The following UBE2E3 variants were observed in gnomAD, a reference collection of about 807,000 sequenced individuals.
The protein encoded by UBE2E3 is ubiquitin conjugating enzyme E2 E3.
UBE2E3 carries 5 observed loss-of-function variants against 23.6 expected under a neutral mutation model. The observed-to-expected ratio is 0.21, with a 90% CI of 0.11 to 0.44. The LOEUF is 0.44. Among genes scored for constraint, UBE2E3 ranks in the 20% least tolerant of loss-of-function variants. UBE2E3 has a pLI of 0.99. For synonymous variants in UBE2E3, 78 were observed against 87.5 expected, an observed-to-expected ratio of 0.89 and a Z score of 0.60; for missense variants, 81 against 249.8, an observed-to-expected ratio of 0.32 and a Z score of 4.55.
intron 3 of UBE2E3, among the ~76,000 whole-genome samples, chr2:180,998,989 G>T (rs1346305964): frequency 6.6e-6 from 1 of 152,058 alleles, no homozygotes; most frequent in African/African-American, 2.4e-5. Flanking sequence ...TGTGTAAGTG[G>T]TATAAATGTC....
chr2:180,992,755 G>A (rs546915563), intron 3 of UBE2E3, among the ~76,000 whole-genome samples: 30 of 151,904 alleles, frequency 2.0e-4, no homozygotes, highest in African/African-American at 7.0e-4. Flanking sequence ...TCTGCCTCCC[G>A]GGTTCAAGCA....
chr2:181,056,619 C>T (rs527817756), intron 3 of UBE2E3, among the ~76,000 whole-genome samples: 4 of 151,896 alleles, frequency 2.6e-5, no homozygotes, highest in African/African-American at 9.6e-5. Flanking sequence ...GGATCTACCC[C>T]TCTGACCCAG....
intron 3 of UBE2E3, among the ~76,000 whole-genome samples, chr2:181,039,656 A>G (rs1221282542): frequency 6.6e-6 from 1 of 152,180 alleles, no homozygotes; most frequent in Non-Finnish European, 1.5e-5. Context: ...TAAAATTTCT[A>G]ATAGTGTCAC....
chr2:181,037,608 CTG>C (rs963641797), intron 3 of UBE2E3, among the ~76,000 whole-genome samples: 33 of 152,026 alleles, frequency 2.2e-4, no homozygotes, highest in African/African-American at 7.7e-4. Flanking sequence ...CAGCTATACA[CTG>C]TGTTTGTGTT....
intron 3 of UBE2E3, among the ~76,000 whole-genome samples, chr2:181,020,896 A>G (rs533668096): frequency 2.0e-5 from 3 of 152,244 alleles, no homozygotes; most frequent in African/African-American, 4.8e-5. Flanking sequence ...TAAGTTTTAT[A>G]TTAAGTTTTT....
intron 3 of UBE2E3, among the ~76,000 whole-genome samples, chr2:181,004,992 C>A (rs1469391542): frequency 1.3e-5 from 2 of 152,196 alleles, no homozygotes; most frequent in Middle Eastern, 3.2e-3. Context: ...GCCTATAAGA[C>A]AAACTCAGCA....
intron 3 of UBE2E3, among the ~76,000 whole-genome samples, chr2:180,988,418 T>C (rs4599066): frequency 0.23 from 35,366 of 152,154 alleles, 4,485 homozygotes; most frequent in Non-Finnish European, 0.28. Context: ...TGAACAAATA[T>C]TGTATTCCTT....
intron 3 of UBE2E3, among the ~76,000 whole-genome samples, chr2:181,036,461 G>C (rs1211569322): frequency 6.6e-6 from 1 of 152,206 alleles, no homozygotes; most frequent in Non-Finnish European, 1.5e-5. Flanking sequence ...CCATTGTGTG[G>C]AGTTTGCATC....
intron 3 of UBE2E3, among the ~76,000 whole-genome samples, chr2:181,028,052 T>C (rs1685953956): frequency 6.6e-6 from 1 of 152,204 alleles, no homozygotes; most frequent in South Asian, 2.1e-4. Context: ...TATTCTAAGA[T>C]GTTTTCATTC....
At chr2:181,046,190 T>A (rs1686668953) in intron 3 of UBE2E3, among the ~76,000 whole-genome samples, 1 of 152,170 alleles carries the variant, frequency 6.6e-6, no homozygotes, top group Non-Finnish European at 1.5e-5. Flanking sequence ...GTAATTACAT[T>A]GTCCACCAAG....
At chr2:181,024,694 C>T (rs1228370258) in intron 3 of UBE2E3, among the ~76,000 whole-genome samples, 1 of 151,918 alleles carries the variant, frequency 6.6e-6, no homozygotes, top group Non-Finnish European at 1.5e-5. Context: ...TTAGTGACTA[C>T]TTATATGCTC....
At chr2:181,035,176 A>G (rs545383337) in intron 3 of UBE2E3, among the ~76,000 whole-genome samples, 60 of 152,326 alleles carry the variant, frequency 3.9e-4, no homozygotes, top group Middle Eastern at 3.4e-3. Flanking sequence ...TGCATTCTAT[A>G]TAAGGGATAA....
intron 3 of UBE2E3, among the ~76,000 whole-genome samples, 155 bp from the exon 4 acceptor site, chr2:181,057,538 G>C (rs1391219791): frequency 6.6e-6 from 1 of 151,726 alleles, no homozygotes; most frequent in Non-Finnish European, 1.5e-5. Context: ...ATACACACAT[G>C]CACATGCAAA....
chr2:181,019,333 C>T (rs1685602120), intron 3 of UBE2E3, among the ~76,000 whole-genome samples: 2 of 152,202 alleles, frequency 1.3e-5, no homozygotes, highest in Non-Finnish European at 2.9e-5. Context: ...GGAACATGTT[C>T]AGCCGGTGCT....
At chr2:181,012,112 A>G (rs911928844) in intron 3 of UBE2E3, among the ~76,000 whole-genome samples, 10 of 152,174 alleles carry the variant, frequency 6.6e-5, no homozygotes, top group East Asian at 5.8e-4. Context: ...AGAGAGGGCA[A>G]TATGATCAGT....
chr2:181,043,913 G>A (rs1355330818), intron 3 of UBE2E3, among the ~76,000 whole-genome samples: 1 of 152,056 alleles, frequency 6.6e-6, no homozygotes, highest in Non-Finnish European at 1.5e-5. Context: ...TGATTTAACC[G>A]TTATTTCGTT....
At chr2:181,041,404 A>C (rs1359255657) in intron 3 of UBE2E3, among the ~76,000 whole-genome samples, 1 of 151,918 alleles carries the variant, frequency 6.6e-6, no homozygotes, top group African/African-American at 2.4e-5. Context: ...TAATTGTTAA[A>C]ATGGATGTCA....
rs927720693 is a variant in UBE2E3, at chr2:181,058,411, C to T, written c.378+586C>T. On this transcript the variant is annotated intron_variant, in intron 4 of 5. Coordinates refer to ENST00000410062, the MANE Select transcript of UBE2E3 (RefSeq NM_006357.4). ...TATGAATTAGATGGATAACAGAGAA[C>T]GGGGTGAGTTGTGCCTTCTAATGAC... is the stretch of plus-strand genomic sequence containing the variant. Among the ~76,000 whole-genome samples, 4 of 151,750 alleles carry T rather than the reference C, an allele frequency of 2.6e-5. No homozygotes were observed. In the East Asian group the frequency reaches 7.8e-4, roughly 30 times the overall value.
At chr2:181,035,345 TAAAC>T in intron 3 of UBE2E3, among the ~76,000 whole-genome samples, 1 of 152,166 alleles carries the variant, frequency 6.6e-6, no homozygotes, top group Admixed American at 6.5e-5. Flanking sequence ...TTTTTGAACT[TAAAC>T]ACAGCTTTTG....
Sources: allele counts gnomAD v4.1 joint callset (sites outside exome capture counted in the v4.1 genomes callset), GRCh38; gene constraint gnomAD v4.1.1; transcripts MANE v1.5; gene names NCBI Gene and HGNC (gene_info 2026-07-23, HGNC 2026-07-21).